Variants in POU6F2 observed in about 807,000 individuals in gnomAD.
POU6F2 encodes POU class 6 homeobox 2.
In POU6F2, 31 loss-of-function variants were observed where a neutral mutation model predicts 71.3. That is an observed-to-expected ratio of 0.43 (90% confidence interval 0.33 to 0.59). The LOEUF (loss-of-function observed/expected upper bound fraction) is 0.59. POU6F2 is among the 20% of genes least tolerant of loss of function. The pLI is 0.04. For missense variants in POU6F2, 783 were observed against 856.8 expected, an observed-to-expected ratio of 0.91 and a Z score of 1.07; for synonymous variants, 347 against 355.7, an observed-to-expected ratio of 0.98 and a Z score of 0.27.
chr7:39,145,088 C>A (rs1371599232), intron 2 of POU6F2, among the ~76,000 whole-genome samples: 1 of 152,214 alleles, frequency 6.6e-6, no homozygotes, highest in Non-Finnish European at 1.5e-5. Context: ...CTTCAGATTT[C>A]TCTCTCCACT....
At chr7:38,982,353 G>A (rs1788342050) in intron 1 of POU6F2, among the ~76,000 whole-genome samples, 1 of 151,986 alleles carries the variant, frequency 6.6e-6, no homozygotes, top group Non-Finnish European at 1.5e-5. Context: ...ATGGATGGAT[G>A]GTATACTAGA....
intron 2 of POU6F2, among the ~76,000 whole-genome samples, chr7:39,158,462 G>A (rs1040307376): frequency 6.6e-6 from 1 of 152,252 alleles, no homozygotes; most frequent in South Asian, 2.1e-4. Context: ...AGGGGGCTTG[G>A]ATCATATGAT....
intron 1 of POU6F2, among the ~76,000 whole-genome samples, chr7:39,031,251 T>C (rs1473379050): frequency 6.6e-6 from 1 of 152,164 alleles, no homozygotes; most frequent in Non-Finnish European, 1.5e-5. Flanking sequence ...TTCTGTTGTT[T>C]TTATACTAAC....
chr7:39,343,721 C>T (rs1027504908), intron 5 of POU6F2, among the ~76,000 whole-genome samples: 79 of 152,266 alleles, frequency 5.2e-4, no homozygotes, highest in Admixed American at 2.2e-3. Flanking sequence ...CTCCAACTAA[C>T]TCATAACTTT....
At chr7:39,008,711 G>A (rs1260558776) in intron 1 of POU6F2, among the ~76,000 whole-genome samples, 1 of 150,144 alleles carries the variant, frequency 6.7e-6, no homozygotes, top group African/African-American at 2.4e-5. Flanking sequence ...AAGGTGTAAG[G>A]AAGGGATCCA....
intron 2 of POU6F2, among the ~76,000 whole-genome samples, chr7:39,163,787 A>G (rs1793049625): frequency 6.6e-6 from 1 of 152,216 alleles, no homozygotes; most frequent in African/African-American, 2.4e-5. Context: ...GGATGAATGG[A>G]TAAAGAAAAT....
At position 39,465,476 on chromosome 7, in the gene POU6F2, A is replaced by T. The variant is rs553483673; in HGVS notation, c.*790A>T. ...TCTTTTTGACGGGAGGGCATCCTGG[A>T]TCGTGTGCCAAAGCATTTGTTGCTT... On this transcript the variant is annotated 3_prime_UTR_variant, in exon 10 of 10. Coordinates refer to ENST00000518318, the MANE Select transcript of POU6F2 (RefSeq NM_001370959.1). 6.6e-6 allele frequency: 1 copy of T among 152,174 alleles called. No homozygotes were observed. Among genetic ancestry groups the T allele is most frequent in the South Asian group, 2.1e-4 (1 of 4,814 alleles). 9.4% of individuals were successfully genotyped at this position (152,174 alleles called of 1,614,324 possible). A position where few individuals can be genotyped will look rare whatever the true frequency, so the allele number is the denominator to read the frequency against.
At chr7:39,381,281 C>G (rs1199113544) in intron 5 of POU6F2, among the ~76,000 whole-genome samples, 1 of 152,018 alleles carries the variant, frequency 6.6e-6, no homozygotes, top group Admixed American at 6.6e-5. Context: ...TCTGTTGCCC[C>G]AGCTGGAGCG....
intron 2 of POU6F2, among the ~76,000 whole-genome samples, chr7:39,146,421 T>A (rs1484206612): frequency 6.6e-6 from 1 of 152,172 alleles, no homozygotes. Flanking sequence ...GTAAGAGCCA[T>A]CATGGGCCAT....
intron 1 of POU6F2, among the ~76,000 whole-genome samples, chr7:39,008,974 TC>T: frequency 6.6e-6 from 1 of 152,304 alleles, no homozygotes; most frequent in Admixed American, 6.5e-5. Flanking sequence ...CCAGCTTTGT[TC>T]TTTTGGCATA....
intron 4 of POU6F2, among the ~76,000 whole-genome samples, chr7:39,258,168 A>G (rs1438095489): frequency 6.6e-6 from 1 of 152,186 alleles, no homozygotes; most frequent in Non-Finnish European, 1.5e-5. Flanking sequence ...CACGTAGATG[A>G]CTTGGTTATG....
At chr7:39,015,751 T>TC (rs1397197481) in intron 1 of POU6F2, among the ~76,000 whole-genome samples, 9 of 99,766 alleles carry the variant, frequency 9.0e-5, no homozygotes, top group African/African-American at 8.9e-5. Context: ...ATATTATATA[T>TC]TATATATAGA....
chr7:39,205,107 C>T (rs1562745804), intron 3 of POU6F2, among the ~76,000 whole-genome samples: 1 of 151,724 alleles, frequency 6.6e-6, no homozygotes, highest in Non-Finnish European at 1.5e-5. Context: ...TTATTCCACT[C>T]GCCACCAAGA....
intron 4 of POU6F2, among the ~76,000 whole-genome samples, chr7:39,295,866 G>A (rs546639324): frequency 8.5e-5 from 13 of 152,254 alleles, no homozygotes; most frequent in African/African-American, 3.1e-4. Context: ...TCAACAACAT[G>A]TACCAGACAC....
intron 5 of POU6F2, among the ~76,000 whole-genome samples, chr7:39,374,572 G>A (rs1786674089): frequency 6.6e-6 from 1 of 152,162 alleles, no homozygotes; most frequent in Non-Finnish European, 1.5e-5. Flanking sequence ...TGCTTTTAGG[G>A]AGAAGTCAGC....
intron 1 of POU6F2, among the ~76,000 whole-genome samples, chr7:39,061,989 C>T (rs1454010940): frequency 6.6e-6 from 1 of 152,150 alleles, no homozygotes; most frequent in Non-Finnish European, 1.5e-5. Context: ...AGAAAAAGTA[C>T]ACAAGGGGTG....
intron 4 of POU6F2, among the ~76,000 whole-genome samples, chr7:39,328,124 T>C (rs1245309125): frequency 6.6e-6 from 1 of 152,230 alleles, no homozygotes. Context: ...TTTCACCATG[T>C]TGGCCAGGAT....
chr7:39,376,851 T>G (rs916467498), intron 5 of POU6F2, among the ~76,000 whole-genome samples: 81 of 151,198 alleles, frequency 5.4e-4, no homozygotes, highest in African/African-American at 1.8e-3. Context: ...TCTATTTTAA[T>G]ATTACTTTAG....
intron 1 of POU6F2, among the ~76,000 whole-genome samples, chr7:39,062,564 A>G (rs1790679639): frequency 6.6e-6 from 1 of 150,956 alleles, no homozygotes; most frequent in African/African-American, 2.4e-5. Context: ...GGCTGCAAGT[A>G]GAGCCCTAGA....
Sources: allele counts gnomAD v4.1 joint callset (sites outside exome capture counted in the v4.1 genomes callset), GRCh38; gene constraint gnomAD v4.1.1; transcripts MANE v1.5; gene names NCBI Gene and HGNC (gene_info 2026-07-23, HGNC 2026-07-21).